Variants in KIAA0586 observed in about 807,000 individuals in gnomAD.
KIAA0586 encodes the protein KIAA0586, also known as protein TALPID3.
In KIAA0586, 144 loss-of-function variants were observed where a neutral mutation model predicts 169.8. That is an observed-to-expected ratio of 0.85 (90% CI 0.74 to 0.97). KIAA0586 has a LOEUF of 0.97. KIAA0586 is among the 50% of genes least tolerant of loss of function. The pLI is 0.00. For missense variants in KIAA0586, 1,854 were observed against 1,823.0 expected (o/e 1.02, Z -0.31); for synonymous variants, 625 against 612.4 (o/e 1.02, Z -0.30).
intron 29 of KIAA0586, among the ~76,000 whole-genome samples, chr14:58,524,815 A>G (rs1453591247): frequency 6.6e-6 from 1 of 152,222 alleles, no homozygotes; most frequent in Admixed American, 6.5e-5. Context: ...TCCCAGGTTC[A>G]AGTGATTTTC....
At position 58,485,296 on chromosome 14, in the gene KIAA0586, C is replaced by T. The variant is rs542841676; in HGVS notation, c.3145-1711C>T. Among the ~76,000 whole-genome samples, 145 of 151,698 alleles carry T rather than the reference C, an allele frequency of 9.6e-4. 1 individual carries two copies. The highest frequency in any genetic ancestry group is 3.0e-3 in the African/African-American group (122 of 41,352). On this transcript the variant is annotated intron_variant, in intron 21 of 30. Coordinates refer to ENST00000652326, the MANE Select transcript of KIAA0586 (RefSeq NM_001329943.3). ...AGAAGAAATACAGATCACCCATGTA[C>T]ATATAAAAAGATGAAGATGATCAAC...
At chr14:58,453,561 AGCATT>A in intron 9 of KIAA0586, 88 bp downstream of exon 9, 1 of 856,846 alleles carries the variant, frequency 1.2e-6, no homozygotes, top group Non-Finnish European at 1.7e-6. Context: ...AATAAATTAT[AGCATT>A]GCTTCTTAAA....
In KIAA0586 at chr14:58,453,447, A is replaced by G; in HGVS notation, c.1227A>G (p.Ile409Met). The G allele has an allele frequency of 6.6e-7, 1 of 1,521,574 alleles. No homozygotes were observed. Among genetic ancestry groups the G allele is most frequent in the Non-Finnish European group, 8.8e-7 (1 of 1,135,990 alleles). 94.3% of individuals were successfully genotyped at this position (1,521,574 alleles called of 1,614,324 possible). A position where few individuals can be genotyped will look rare whatever the true frequency, so the allele number is the denominator to read the frequency against. The change falls in exon 9 of 31, where the codon ATA (isoleucine) becomes ATG (methionine). Residue 409 changes from isoleucine (I) to methionine (M), a missense_variant. Transcript: ENST00000652326. Reference sequence around the variant, plus strand: ...CCACCTCACTAACTAGGTCAAAAATAGGATGGACTCCTGAGAAAACAAACA... The same window carrying G: ...CCACCTCACTAACTAGGTCAAAAATGGGATGGACTCCTGAGAAAACAAACA... Reference protein sequence around the residue: ...SNTTSLTRSKIGWTPEKTNRF... With the variant: ...SNTTSLTRSKMGWTPEKTNRF...
At chr14:58,469,155 A>T (rs745707849) in intron 16 of KIAA0586, among the ~76,000 whole-genome samples, 2 of 152,206 alleles carry the variant, frequency 1.3e-5, no homozygotes, top group Non-Finnish European at 1.5e-5. Context: ...GAAATCACCC[A>T]TGTAGCTCCA....
intron 8 of KIAA0586, among the ~76,000 whole-genome samples, chr14:58,453,093 A>G (rs2039535181): frequency 6.6e-6 from 1 of 150,388 alleles, no homozygotes; most frequent in African/African-American, 2.5e-5. Flanking sequence ...AATTTTTTCT[A>G]TTTTTAGTAG....
rs368257571 is a variant in KIAA0586 at position 58,516,466 on chromosome 14, T to C, written c.4429+3839T>C. Among the ~76,000 whole-genome samples the C allele has an allele frequency of 4.6e-5, 7 of 152,348 alleles. 1 individual carries two copies. Among genetic ancestry groups the C allele is most frequent in the Admixed American group, 6.5e-5 (1 of 15,304 alleles). On this transcript the variant is annotated intron_variant, in intron 29 of 30. Transcript: ENST00000652326. ...AGGAAATAGTCTTGGTCCCACAATC[T>C]TTTATTAGCACTATTAGAAGTTTCT...
Position 58,516,339 on chromosome 14 carries a change from A to T in KIAA0586, c.4429+3712A>T, listed in dbSNP as rs535681896. ...TAAGAACAAAAGCCTTAAGCCACTG[A>T]GGAAGGGGCAACACATCTGTTATTT... On this transcript the variant is annotated intron_variant, in intron 29 of 30. Coordinates refer to ENST00000652326, the MANE Select transcript of KIAA0586 (RefSeq NM_001329943.3). Among the ~76,000 whole-genome samples, 149 of 152,298 alleles carry T rather than the reference A, an allele frequency of 9.8e-4. 4 individuals are homozygous for T. The South Asian group carries it at 0.03, about 31-fold the overall frequency.
chr14:58,500,853 T>TG (rs1409097667), intron 27 of KIAA0586, among the ~76,000 whole-genome samples: 1 of 152,122 alleles, frequency 6.6e-6, no homozygotes, highest in Non-Finnish European at 1.5e-5. Context: ...AAAGGTCACT[T>TG]GTTTACAGTA....
At chr14:58,428,663 G>T (rs952057070) in intron 1 of KIAA0586, among the ~76,000 whole-genome samples, 200 bp downstream of exon 1, 41 of 127,222 alleles carry the variant, frequency 3.2e-4, no homozygotes, top group African/African-American at 9.7e-4. Context: ...GTCCCCTGTT[G>T]TGCTTTTTTT....
At chr14:58,467,310 A>G (rs990512290) in intron 15 of KIAA0586, among the ~76,000 whole-genome samples, 6 of 152,194 alleles carry the variant, frequency 3.9e-5, no homozygotes, top group African/African-American at 1.4e-4. Context: ...AATTTGTCAA[A>G]GGCTACACAG....
rs771240219 is a variant in KIAA0586, at chr14:58,482,707, TTGCCGGTA to T, written c.3142_3144+5del. On this transcript the variant is annotated splice_donor_variant and splice_donor_region_variant and coding_sequence_variant and intron_variant, in exon 21 of 31. Coordinates refer to ENST00000652326, the MANE Select transcript of KIAA0586 (RefSeq NM_001329943.3). LOFTEE classifies it high-confidence loss of function. ...GGATGCTTCAACAAATGAAACATATTTGCCGGTATGGGGAATTTTTGAGACATTTATTG... is the reference window on the plus strand; with the variant it reads ...GGATGCTTCAACAAATGAAACATATTTGGGGAATTTTTGAGACATTTATTG... The T allele has an allele frequency of 1.6e-5, 25 of 1,556,362 alleles. No individual in the cohort carries two copies. The highest frequency in any genetic ancestry group is 2.1e-5 in the Non-Finnish European group (24 of 1,152,294).
In KIAA0586 at chr14:58,512,556, T is replaced by C. The variant is rs746591701; in HGVS notation, c.4358T>C (p.Val1453Ala). The C allele has an allele frequency of 6.5e-7, 1 of 1,545,758 alleles. No homozygotes were observed. The highest frequency in any genetic ancestry group is 1.3e-5 in the South Asian group (1 of 79,458). The change falls in exon 29 of 31, where the codon GTT becomes GCT. Residue 1453 changes from valine (V) to alanine (A), a missense_variant. Coordinates refer to ENST00000652326, the MANE Select transcript of KIAA0586 (RefSeq NM_001329943.3). ...QLKQNQDVKQ[V>A]EHKPSQSYLR... ...AAGCAAAATCAGGATGTTAAGCAAG[T>C]TGAACACAAACCATCACAAAGTTAC... is the stretch of plus-strand genomic sequence containing the variant.
At chr14:58,476,622 C>T (rs1405294524) in intron 19 of KIAA0586, among the ~76,000 whole-genome samples, 1 of 151,456 alleles carries the variant, frequency 6.6e-6, no homozygotes, top group East Asian at 1.9e-4. Flanking sequence ...TAAACTATCT[C>T]CCACAAGGAG....
At chr14:58,511,887 G>A (rs112952754) in intron 28 of KIAA0586, among the ~76,000 whole-genome samples, 28 of 152,166 alleles carry the variant, frequency 1.8e-4, no homozygotes, top group Middle Eastern at 3.4e-3. Flanking sequence ...ATAATTAAGC[G>A]CATAAAATAG....
At chr14:58,438,080 A>G (rs577519033) in intron 4 of KIAA0586, among the ~76,000 whole-genome samples, 3 of 152,298 alleles carry the variant, frequency 2.0e-5, no homozygotes, top group Admixed American at 1.3e-4. Context: ...CAGGATTCTT[A>G]GTGGCTTTGG....
intron 18 of KIAA0586, among the ~76,000 whole-genome samples, chr14:58,472,758 A>G (rs1395874495): frequency 6.6e-6 from 1 of 151,404 alleles, no homozygotes; most frequent in Non-Finnish European, 1.5e-5. Context: ...GTAAATTATA[A>G]AGGATGGGAC....
rs200937470 is a variant in KIAA0586 at position 58,467,775 on chromosome 14, A to C, written c.2295A>C (p.Gly765=). The C allele has an allele frequency of 3.1e-6, 5 of 1,613,594 alleles. No individual in the cohort carries two copies. The African/African-American group carries it at 5.3e-5, about 17-fold the overall frequency. ...ATAGTGATACCATGCCACCTGCTGG[A>C]GTGATTGTCAGCAAGCCACACCCTG... ...QSNSDTMPPA[G]VIVSKPHPVT... is the part of the protein sequence containing the mutation. Residue 765 remains glycine, a synonymous_variant, in exon 16 of 31, where the codon GGA becomes GGC. Transcript: ENST00000652326.
chr14:58,526,549 GA>G (rs1030375541), intron 29 of KIAA0586, among the ~76,000 whole-genome samples: 6 of 152,304 alleles, frequency 3.9e-5, no homozygotes, highest in African/African-American at 1.2e-4. Flanking sequence ...AACCCCATCT[GA>G]AGGTCACTAA....
chr14:58,436,410 G>A, intron 4 of KIAA0586, among the ~76,000 whole-genome samples: 1 of 151,944 alleles, frequency 6.6e-6, no homozygotes, highest in East Asian at 1.9e-4. Context: ...GTCTGAAGAA[G>A]TATGAAATTT....
Sources: gnomAD v4.1 joint callset for allele counts (sites outside exome capture counted in the v4.1 genomes callset) on GRCh38, gnomAD v4.1.1 for gene constraint, MANE v1.5 for transcripts, NCBI Gene and HGNC (gene_info 2026-07-23, HGNC 2026-07-21) for gene names.